GSG1L: variants seen among roughly 807,000 people sequenced by gnomAD.
The protein encoded by GSG1L is GSG1 like.
Under a neutral mutation model 42.1 loss-of-function variants are expected in GSG1L, and 24 were observed. That is an observed-to-expected ratio of 0.57 (90% CI 0.41 to 0.80). The LOEUF is 0.80. GSG1L is among the 30% of genes least tolerant of loss of function. The probability of loss-of-function intolerance (pLI) is 0.00; values close to 1 mark genes in which losing one functional copy is unlikely to be tolerated. For missense variants in GSG1L, 445 were observed against 472.2 expected, an observed-to-expected ratio of 0.94 and a Z score of 0.53; for synonymous variants, 215 against 203.5, an observed-to-expected ratio of 1.06 and a Z score of -0.48.
At chr16:28,015,235 G>A (rs879436925) in intron 1 of GSG1L, among the ~76,000 whole-genome samples, 3 of 152,000 alleles carry the variant, frequency 2.0e-5, no homozygotes, top group African/African-American at 7.3e-5. Context: ...TGGGCACAGC[G>A]GCTCACGCCT....
chr16:27,810,434 T>C (rs11858994), intron 5 of GSG1L, among the ~76,000 whole-genome samples: 1 of 152,194 alleles, frequency 6.6e-6, no homozygotes, highest in East Asian at 1.9e-4. Context: ...CTCATCACTG[T>C]GCTTCAGCCT....
chr16:28,061,035 G>C, intron 1 of GSG1L, among the ~76,000 whole-genome samples: 1 of 152,168 alleles, frequency 6.6e-6, no homozygotes. Flanking sequence ...ACTCCACAGA[G>C]GTAGAGACAG....
intron 2 of GSG1L, among the ~76,000 whole-genome samples, chr16:27,937,842 G>A (rs2084736192): frequency 1.3e-5 from 2 of 152,158 alleles, no homozygotes; most frequent in African/African-American, 4.8e-5. Flanking sequence ...AACATGAGAT[G>A]GGGACTCCCT....
chr16:27,988,600 G>A (rs539187143), intron 1 of GSG1L, among the ~76,000 whole-genome samples: 89 of 151,982 alleles, frequency 5.9e-4, no homozygotes, highest in Non-Finnish European at 9.1e-4. Context: ...AAATTGGATG[G>A]ATTTGTTTAT....
intron 6 of GSG1L, among the ~76,000 whole-genome samples, chr16:27,799,931 G>C (rs1178014847): frequency 6.6e-6 from 1 of 152,152 alleles, no homozygotes; most frequent in East Asian, 1.9e-4. Flanking sequence ...CTGCAAATTT[G>C]GTCTGTAGAT....
intron 3 of GSG1L, among the ~76,000 whole-genome samples, chr16:27,870,122 T>C (rs1230904244): frequency 6.7e-6 from 1 of 149,050 alleles, no homozygotes; most frequent in East Asian, 2.0e-4. Context: ...CTCCTCTCTC[T>C]GTCTGTCTCT....
intron 1 of GSG1L, among the ~76,000 whole-genome samples, chr16:27,997,594 G>T (rs149440643): frequency 6.6e-6 from 1 of 151,890 alleles, no homozygotes; most frequent in Non-Finnish European, 1.5e-5. Context: ...TTTGCACCAC[G>T]TAAGCTAACA....
intron 2 of GSG1L, among the ~76,000 whole-genome samples, chr16:27,909,256 C>T (rs917941163): frequency 6.6e-6 from 1 of 152,142 alleles, no homozygotes; most frequent in East Asian, 1.9e-4. Flanking sequence ...CCCCAGAAGT[C>T]AGGACCCACA....
chr16:27,878,866 T>TG (rs1366380738), intron 3 of GSG1L, among the ~76,000 whole-genome samples: 1 of 152,062 alleles, frequency 6.6e-6, no homozygotes, highest in Non-Finnish European at 1.5e-5. Flanking sequence ...CAAGGACAAG[T>TG]GGGGATTCAC....
intron 5 of GSG1L, among the ~76,000 whole-genome samples, chr16:27,820,370 A>T (rs2083138703): frequency 6.6e-6 from 1 of 152,054 alleles, no homozygotes; most frequent in Admixed American, 6.5e-5. Context: ...GTGGGAGCCG[A>T]AGAGAGAGCA....
chr16:27,958,745 G>A (rs899557068), intron 2 of GSG1L, among the ~76,000 whole-genome samples: 7 of 151,860 alleles, frequency 4.6e-5, no homozygotes, highest in South Asian at 2.1e-4. Context: ...GCATGATCTC[G>A]GCTCACTGTA....
intron 1 of GSG1L, among the ~76,000 whole-genome samples, chr16:27,984,852 G>C (rs2085363234): frequency 6.6e-6 from 1 of 151,960 alleles, no homozygotes; most frequent in South Asian, 2.1e-4. Context: ...CGACCTCCCA[G>C]GATCAAAGTA....
At chr16:28,021,188 T>C (rs2085838400) in intron 1 of GSG1L, among the ~76,000 whole-genome samples, 1 of 152,148 alleles carries the variant, frequency 6.6e-6, no homozygotes, top group South Asian at 2.1e-4. Context: ...GGGCATCTGC[T>C]TGGCTTCTGG....
chr16:27,843,504 TAAA>T (rs55755431), intron 4 of GSG1L, among the ~76,000 whole-genome samples: 1,024 of 75,928 alleles, frequency 0.013, 15 homozygotes, highest in African/African-American at 0.047. Context: ...AGAGACTCTG[TAAA>T]AAAAAAAAAA....
chr16:27,934,527 T>C (rs1176673553), intron 2 of GSG1L, among the ~76,000 whole-genome samples: 1 of 151,962 alleles, frequency 6.6e-6, no homozygotes, highest in Non-Finnish European at 1.5e-5. Context: ...AGAGTGAGAC[T>C]CTGTCTCAAA....
At position 28,047,475 on chromosome 16, in the gene GSG1L, T is replaced by C. The variant is rs181429078; in HGVS notation, c.349+15601A>G. Among the ~76,000 whole-genome samples the C allele has an allele frequency of 1.1e-4, 16 of 152,250 alleles. No individual in the cohort carries two copies. In the East Asian group the frequency reaches 1.7e-3, roughly 17 times the overall value. ...GAAGTGAGGCCAAGTGTATTTGTTATAGAAATAAATAGTATTTGTTTAAGA... is the reference window on the plus strand; with the variant it reads ...GAAGTGAGGCCAAGTGTATTTGTTACAGAAATAAATAGTATTTGTTTAAGA... On this transcript the variant is annotated intron_variant, in intron 1 of 6. Transcript: ENST00000447459.
chr16:27,788,957 A>C lies in GSG1L; in HGVS notation c.*2413T>G, dbSNP rs2082721009. The C allele has an allele frequency of 6.6e-6, 1 of 152,268 alleles. No individual in the cohort carries two copies. Among genetic ancestry groups the C allele is most frequent in the Admixed American group, 6.5e-5 (1 of 15,286 alleles). The allele number at this position is 152,268 out of a possible 1,614,324, so 9.4% of individuals were successfully genotyped here. On this transcript the variant is annotated 3_prime_UTR_variant, in exon 7 of 7. Transcript: ENST00000447459. ...CCCTCTCTGGATGCTCCAGCATCCC[A>C]CCTCAAGTGCCTACCACAGTGCTTG...
chr16:27,826,126 G>A (rs1057284336), intron 5 of GSG1L, among the ~76,000 whole-genome samples: 4 of 152,204 alleles, frequency 2.6e-5, no homozygotes, highest in African/African-American at 9.7e-5. Context: ...AGGCCTCACG[G>A]AAGCATCCCG....
chr16:27,994,622 C>T (rs1053590609), intron 1 of GSG1L, among the ~76,000 whole-genome samples: 4 of 152,056 alleles, frequency 2.6e-5, no homozygotes, highest in East Asian at 3.9e-4. Flanking sequence ...ACTGGCTTTC[C>T]GCTCCCAATT....
Sources: allele counts gnomAD v4.1 joint callset (sites outside exome capture counted in the v4.1 genomes callset), GRCh38; gene constraint gnomAD v4.1.1; transcripts MANE v1.5; gene names NCBI Gene and HGNC (gene_info 2026-07-23, HGNC 2026-07-21).